Variants in SKAP1 observed in about 807,000 individuals in gnomAD.
SKAP1 encodes src kinase associated phosphoprotein 1.
SKAP1 carries 44 observed loss-of-function variants against 58.5 expected under a neutral mutation model. The observed-to-expected ratio is 0.75, with a 90% CI of 0.59 to 0.97. SKAP1 has a LOEUF of 0.97. Ranked by LOEUF, SKAP1 falls within the 50% of genes least tolerant of loss-of-function variation. The pLI is 0.00. For missense variants in SKAP1, 390 were observed against 435.2 expected, an observed-to-expected ratio of 0.90 and a Z score of 0.92; for synonymous variants, 127 against 149.7, an observed-to-expected ratio of 0.85 and a Z score of 1.11.
intron 10 of SKAP1, among the ~76,000 whole-genome samples, chr17:48,166,086 A>G (rs2064135856): frequency 6.6e-6 from 1 of 152,218 alleles, no homozygotes; most frequent in South Asian, 2.1e-4. Flanking sequence ...ACTAATAACT[A>G]AAACAGTTAT....
At chr17:48,365,930 C>T (rs1047873727) in intron 2 of SKAP1, among the ~76,000 whole-genome samples, 6 of 152,062 alleles carry the variant, frequency 3.9e-5, no homozygotes, top group African/African-American at 1.4e-4. Context: ...CTCTTTTCCA[C>T]TTATCACTAG....
chr17:48,140,460 G>A (rs962848383), intron 11 of SKAP1, among the ~76,000 whole-genome samples: 11 of 152,088 alleles, frequency 7.2e-5, no homozygotes, highest in East Asian at 5.8e-4. Flanking sequence ...GTCTTGATGC[G>A]CTTTACTAGA....
upstream of SKAP1, among the ~76,000 whole-genome samples, chr17:48,433,630 G>T (rs2067928896): frequency 6.6e-6 from 1 of 152,178 alleles, no homozygotes; most frequent in Non-Finnish European, 1.5e-5. Flanking sequence ...AGGTCCTTTG[G>T]AGCAGAGGCC....
intron 4 of SKAP1, among the ~76,000 whole-genome samples, chr17:48,320,908 C>T (rs2066353950): frequency 1.3e-5 from 2 of 152,176 alleles, no homozygotes; most frequent in African/African-American, 4.8e-5. Flanking sequence ...TTATTGAATA[C>T]ATTACACGTC....
At chr17:48,347,797 G>C (rs1487056579) in intron 3 of SKAP1, among the ~76,000 whole-genome samples, 1 of 151,906 alleles carries the variant, frequency 6.6e-6, no homozygotes, top group Non-Finnish European at 1.5e-5. Flanking sequence ...TACATCACTG[G>C]AAGTCCACTA....
chr17:48,264,130 A>G (rs1236441540), intron 4 of SKAP1, among the ~76,000 whole-genome samples: 1 of 151,174 alleles, frequency 6.6e-6, no homozygotes, highest in Non-Finnish European at 1.5e-5. Flanking sequence ...AATGTCCAAA[A>G]CAAAAACATG....
chr17:48,190,055 T>C (rs1363383891), intron 4 of SKAP1, among the ~76,000 whole-genome samples: 1 of 151,860 alleles, frequency 6.6e-6, no homozygotes, highest in Admixed American at 6.6e-5. Flanking sequence ...TGTAGTAAGG[T>C]GAGGTAGCGT....
chr17:48,279,945 CCCT>C (rs1203988023), intron 4 of SKAP1, among the ~76,000 whole-genome samples: 4 of 152,072 alleles, frequency 2.6e-5, no homozygotes, highest in Non-Finnish European at 5.9e-5. Flanking sequence ...TATCTTCATT[CCCT>C]GGGGCCCTGT....
intron 4 of SKAP1, among the ~76,000 whole-genome samples, chr17:48,330,768 T>A (rs1232409980): frequency 4.6e-5 from 7 of 150,850 alleles, no homozygotes; most frequent in African/African-American, 1.7e-4. Flanking sequence ...TCTTTGGGGG[T>A]GTGGGTGAAG....
intron 9 of SKAP1, among the ~76,000 whole-genome samples, chr17:48,171,764 A>T (rs1054649274): frequency 1.6e-4 from 13 of 83,622 alleles, no homozygotes; most frequent in East Asian, 1.4e-3. Flanking sequence ...TGTGTGTGTG[A>T]ACAACCCTCT....
At chr17:48,442,074 T>C in the SKAP1 span, among the ~76,000 whole-genome samples, 5 of 152,162 alleles carry the variant, frequency 3.3e-5, no homozygotes, top group Admixed American at 2.6e-4. Context: ...TCCAGGAACA[T>C]GCACTGAAGT....
At chr17:48,442,180 C>T in the SKAP1 span, among the ~76,000 whole-genome samples, 961 of 152,184 alleles carry the variant, frequency 6.3e-3, 14 homozygotes, top group African/African-American at 0.022. Context: ...GTAGGCCCAA[C>T]CTGAGTGCGT....
intron 11 of SKAP1, among the ~76,000 whole-genome samples, chr17:48,138,637 T>C (rs772372040): frequency 1.7e-4 from 26 of 152,140 alleles, no homozygotes; most frequent in Non-Finnish European, 3.2e-4. Context: ...CCCAAAGTGC[T>C]GGGATTACAA....
chr17:48,207,779 G>C (rs2064827705), intron 4 of SKAP1, among the ~76,000 whole-genome samples: 1 of 152,148 alleles, frequency 6.6e-6, no homozygotes, highest in Non-Finnish European at 1.5e-5. Context: ...ATAAACTTGG[G>C]TTGCAATTTA....
At chr17:48,293,234 G>A (rs930028538) in intron 4 of SKAP1, among the ~76,000 whole-genome samples, 2 of 152,018 alleles carry the variant, frequency 1.3e-5, no homozygotes, top group Admixed American at 6.6e-5. Context: ...AAGGAATTAC[G>A]TACTTTTATA....
intron 4 of SKAP1, among the ~76,000 whole-genome samples, chr17:48,193,072 AC>A (rs2064570492): frequency 6.6e-6 from 1 of 151,828 alleles, no homozygotes; most frequent in African/African-American, 2.4e-5. Context: ...ACAGAGTCTC[AC>A]TCTTGTCGCC....
intron 4 of SKAP1, among the ~76,000 whole-genome samples, chr17:48,207,969 C>T (rs991031935): frequency 1.3e-5 from 2 of 152,140 alleles, no homozygotes; most frequent in African/African-American, 4.8e-5. Flanking sequence ...ACAGCACAGA[C>T]ATGATTTTAA....
intron 4 of SKAP1, among the ~76,000 whole-genome samples, chr17:48,297,782 A>T (rs1272199037): frequency 6.6e-6 from 1 of 152,222 alleles, no homozygotes; most frequent in African/African-American, 2.4e-5. Flanking sequence ...CCTATAAGGG[A>T]ATGGACCTAT....
chr17:48,143,391 T>G (rs572299035), intron 11 of SKAP1, among the ~76,000 whole-genome samples: 2 of 151,896 alleles, frequency 1.3e-5, no homozygotes, highest in Non-Finnish European at 2.9e-5. Flanking sequence ...ATTTTTTTTT[T>G]GTAGAGATAA....
Sources: allele counts gnomAD v4.1 joint callset (sites outside exome capture counted in the v4.1 genomes callset), GRCh38; gene constraint gnomAD v4.1.1; transcripts MANE v1.5; gene names NCBI Gene and HGNC (gene_info 2026-07-23, HGNC 2026-07-21).